EIPR1: variants seen among roughly 807,000 people sequenced by gnomAD.
EIPR1 encodes the protein EARP complex and GARP complex interacting protein 1.
A neutral mutation model predicts 48.1 loss-of-function variants in EIPR1; 25 were observed. That is an observed-to-expected ratio of 0.52 (90% CI 0.38 to 0.73). EIPR1 has a LOEUF of 0.73. Among genes scored for constraint, EIPR1 ranks in the 30% least tolerant of loss-of-function variants. The probability of loss-of-function intolerance (pLI) is 0.00; values close to 1 mark genes in which losing one functional copy is unlikely to be tolerated. For missense variants in EIPR1, 415 were observed against 506.2 expected (o/e 0.82, Z 1.73); for synonymous variants, 204 against 201.9 (o/e 1.01, Z -0.09).
chr2:3,333,843 C>A (rs188251721), intron 3 of EIPR1, among the ~76,000 whole-genome samples: 1 of 152,048 alleles, frequency 6.6e-6, no homozygotes, highest in Non-Finnish European at 1.5e-5. Flanking sequence ...AACTGTCTTT[C>A]GGAAGGAGGG....
chr2:3,337,036 G>T (rs1670084717), intron 3 of EIPR1, among the ~76,000 whole-genome samples: 1 of 85,752 alleles, frequency 1.2e-5, no homozygotes, highest in Admixed American at 1.1e-4. Flanking sequence ...GAAGGGAAAA[G>T]AAAAGAGAAG....
intron 4 of EIPR1, among the ~76,000 whole-genome samples, chr2:3,234,586 T>C (rs1234285910): frequency 6.6e-6 from 1 of 152,232 alleles, no homozygotes; most frequent in Non-Finnish European, 1.5e-5. Flanking sequence ...GTCAACACCC[T>C]GATAGAAGGG....
At chr2:3,274,336 T>C (rs1667784219) in intron 3 of EIPR1, 1 of 1,550,294 alleles carries the variant, frequency 6.5e-7, no homozygotes, top group East Asian at 2.4e-5. Context: ...GACAGAAACT[T>C]ACAGGTTGCC....
At position 3,202,183 on chromosome 2, in the gene EIPR1, C is replaced by T. The variant is rs190020655; in HGVS notation, c.517-5166G>A. Among the ~76,000 whole-genome samples, 286 of 152,312 alleles carry T rather than the reference C, an allele frequency of 1.9e-3. 2 individuals carry two copies. In the Middle Eastern group the frequency reaches 0.024, roughly 13 times the overall value. ...CGATCTTCTGACCTTGTGATCCGTC[C>T]GCCTCGGCCTCCCAAAGTGCTGGGA... On this transcript the variant is annotated intron_variant, in intron 5 of 8. Transcript: ENST00000382125.
rs188862904 is a variant in EIPR1, at chr2:3,196,049, C to T, written c.653+832G>A. Reference sequence around the variant, plus strand: ...CATGGAGAAATGGATTTCAGCAGGACGTTCATCACGGGCTGAGTCTGTGGT... The same window carrying T: ...CATGGAGAAATGGATTTCAGCAGGATGTTCATCACGGGCTGAGTCTGTGGT... On this transcript the variant is annotated intron_variant, in intron 6 of 8. Coordinates refer to ENST00000382125, the MANE Select transcript of EIPR1 (RefSeq NM_003310.5). Among the ~76,000 whole-genome samples the T allele has an allele frequency of 1.1e-4, 17 of 152,324 alleles. No homozygotes were observed. In the East Asian group the frequency reaches 1.7e-3, roughly 16 times the overall value.
At chr2:3,247,838 G>A (rs536156581) in intron 4 of EIPR1, among the ~76,000 whole-genome samples, 1 of 152,280 alleles carries the variant, frequency 6.6e-6, no homozygotes, top group African/African-American at 2.4e-5. Flanking sequence ...GTAAAAATTT[G>A]TTATCAATTA....
intron 3 of EIPR1, among the ~76,000 whole-genome samples, chr2:3,322,988 G>T (rs185990699): frequency 6.6e-6 from 1 of 152,258 alleles, no homozygotes; most frequent in African/African-American, 2.4e-5. Flanking sequence ...TAAGCGAAAA[G>T]CGACAAACGT....
In EIPR1 at chr2:3,243,580, G is replaced by A. The variant is rs548545021; in HGVS notation, c.416+13719C>T. The stretch of plus-strand genomic sequence containing the variant: ...CGGGAGGCAGAGGTTGCAGTGAGCC[G>A]AGATCGCGCCACTGCACTCCAGCCT... On this transcript the variant is annotated intron_variant, in intron 4 of 8. Transcript: ENST00000382125. Among the ~76,000 whole-genome samples, 260 of 152,228 alleles carry A rather than the reference G, an allele frequency of 1.7e-3. 2 individuals carry two copies. Among genetic ancestry groups the A allele is most frequent in the South Asian group, 5.4e-3 (26 of 4,820 alleles).
chr2:3,338,123 TTCA>T lies in EIPR1; in HGVS notation c.150_152del (p.Asp50del). The T allele has an allele frequency of 6.2e-7, 1 of 1,610,612 alleles. No homozygotes were observed. The highest frequency in any genetic ancestry group is 8.5e-7 in the Non-Finnish European group (1 of 1,179,388). On this transcript the variant is annotated inframe_deletion, in exon 3 of 9. Coordinates refer to ENST00000382125, the MANE Select transcript of EIPR1 (RefSeq NM_003310.5). ...GGACATTTTTATTTATAATGTTGTT[TTCA>T]TCGTCAAAATCTATGATATGGATCT...
chr2:3,238,285 G>A (rs779535302), intron 4 of EIPR1, among the ~76,000 whole-genome samples: 5 of 152,090 alleles, frequency 3.3e-5, no homozygotes, highest in African/African-American at 1.2e-4. Flanking sequence ...ACGGCTTTCC[G>A]GAGCGCCCGT....
At chr2:3,234,480 C>A (rs540633999) in intron 4 of EIPR1, among the ~76,000 whole-genome samples, 63 of 152,128 alleles carry the variant, frequency 4.1e-4, no homozygotes, top group Non-Finnish European at 7.5e-4. Flanking sequence ...GCAGCCAGGG[C>A]CCTGTGTCAC....
chr2:3,287,269 A>ACCACACTCCAGAAAGCTCG (rs1668218575), intron 3 of EIPR1, among the ~76,000 whole-genome samples: 1 of 75,718 alleles, frequency 1.3e-5, no homozygotes, highest in African/African-American at 5.4e-5. Flanking sequence ...CAGAAAGCTC[A>ACCACACTCCAGAAAGCTCG]TTCACCACAC....
At chr2:3,305,718 G>A (rs912074119) in intron 3 of EIPR1, among the ~76,000 whole-genome samples, 5 of 152,148 alleles carry the variant, frequency 3.3e-5, no homozygotes, top group Non-Finnish European at 5.9e-5. Context: ...TGACGACACC[G>A]CCACAATCTC....
intron 3 of EIPR1, among the ~76,000 whole-genome samples, chr2:3,280,072 T>G (rs1044885607): frequency 6.6e-6 from 1 of 152,266 alleles, no homozygotes; most frequent in Non-Finnish European, 1.5e-5. Context: ...GTTCACCATT[T>G]TCTTGTAATC....
chr2:3,271,429 C>A (rs1667699069), intron 3 of EIPR1, among the ~76,000 whole-genome samples: 1 of 152,182 alleles, frequency 6.6e-6, no homozygotes, highest in South Asian at 2.1e-4. Flanking sequence ...ACATGTATTT[C>A]TTAAATAATA....
At chr2:3,353,810 G>T (rs1670649209) in intron 2 of EIPR1, among the ~76,000 whole-genome samples, 2 of 152,088 alleles carry the variant, frequency 1.3e-5, no homozygotes, top group South Asian at 4.1e-4. Context: ...ATCCAGGCCT[G>T]CGTATTCTTC....
chr2:3,240,717 A>C (rs1199836430), intron 4 of EIPR1, among the ~76,000 whole-genome samples: 588 of 108,520 alleles, frequency 5.4e-3, no homozygotes, highest in Admixed American at 8.0e-3. Flanking sequence ...GATCCCTCCT[A>C]AAGCAAAGCC....
At chr2:3,367,444 A>C (rs758806601) in intron 1 of EIPR1, among the ~76,000 whole-genome samples, 6 of 152,252 alleles carry the variant, frequency 3.9e-5, no homozygotes, top group Non-Finnish European at 7.3e-5. Context: ...AGGCAACACC[A>C]ATATTACCTT....
At chr2:3,369,568 G>A (rs1375791324) in intron 1 of EIPR1, among the ~76,000 whole-genome samples, 3 of 152,180 alleles carry the variant, frequency 2.0e-5, no homozygotes, top group Admixed American at 6.5e-5. Flanking sequence ...AGGAAACAGC[G>A]CACCAGGAGA....
Sources: gnomAD v4.1 joint callset for allele counts (sites outside exome capture counted in the v4.1 genomes callset) on GRCh38, gnomAD v4.1.1 for gene constraint, MANE v1.5 for transcripts, NCBI Gene and HGNC (gene_info 2026-07-23, HGNC 2026-07-21) for gene names.